The following RFTN1 variants were observed in gnomAD, a reference collection of about 807,000 sequenced individuals.
RFTN1 encodes the protein raftlin, lipid raft linker 1.
RFTN1 carries 26 observed loss-of-function variants against 46.5 expected under a neutral mutation model. The observed-to-expected ratio is 0.56, with a 90% CI of 0.41 to 0.78. The LOEUF (loss-of-function observed/expected upper bound fraction) is 0.78. Ranked by LOEUF, RFTN1 falls within the 30% of genes least tolerant of loss-of-function variation. The pLI is 0.00. For missense variants in RFTN1, 693 were observed against 718.7 expected (o/e 0.96, Z 0.41); for synonymous variants, 261 against 284.2 (o/e 0.92, Z 0.82).
chr3:16,488,642 A>G (rs1035844657), intron 2 of RFTN1, among the ~76,000 whole-genome samples: 2 of 152,202 alleles, frequency 1.3e-5, no homozygotes, highest in African/African-American at 2.4e-5. Context: ...GTTGGTGTTA[A>G]TGCCTATTTG....
In RFTN1 at chr3:16,341,869, G is replaced by C. The variant is rs970579812; in HGVS notation, c.1147-14993C>G. On this transcript the variant is annotated intron_variant, in intron 7 of 9. Coordinates refer to ENST00000334133, the MANE Select transcript of RFTN1 (RefSeq NM_015150.2). This position sits in a 1 kb window ranked among gnomAD's most constrained non-coding sequence, Gnocchi z 4.7. The stretch of plus-strand genomic sequence containing the variant: ...GTTTGAAGAGTATGATACCATTTTT[G>C]TAAAAAATATGCAAATATAGATAGA... Among the ~76,000 whole-genome samples the C allele has an allele frequency of 6.6e-6, 1 of 152,086 alleles. No homozygotes were observed. Among genetic ancestry groups the C allele is most frequent in the Non-Finnish European group, 1.5e-5 (1 of 68,022 alleles).
intron 5 of RFTN1, among the ~76,000 whole-genome samples, chr3:16,377,172 T>C (rs1575174583): frequency 6.6e-6 from 1 of 151,794 alleles, no homozygotes; most frequent in Non-Finnish European, 1.5e-5. Context: ...CCTCGGCAAA[T>C]CTTGTTAGTC....
intron 4 of RFTN1, among the ~76,000 whole-genome samples, chr3:16,379,129 A>G (rs756758680): frequency 1.3e-5 from 2 of 152,244 alleles, no homozygotes; most frequent in African/African-American, 4.8e-5. Context: ...AGATGACCTC[A>G]GAAAATCTTG....
rs1575324400 is a variant in RFTN1, at chr3:16,460,700, C to T, written c.146-26663G>A. On this transcript the variant is annotated intron_variant, in intron 2 of 9. Transcript: ENST00000334133. This position sits in a 1 kb window ranked among gnomAD's most constrained non-coding sequence, Gnocchi z 4.8. The stretch of plus-strand genomic sequence containing the variant: ...ATACAGATAACTAACGCAAGAGACA[C>T]GTGAGCAGACGTCACTTGAGCCTCA... 6.6e-6 allele frequency among the ~76,000 whole-genome samples: 1 copy of T among 152,120 alleles called. No individual in the cohort carries two copies. The highest frequency in any genetic ancestry group is 2.4e-5 in the African/African-American group (1 of 41,408).
chr3:16,345,816 GTGCGCGCGCGCGTGCGCGCA>G lies in RFTN1; in HGVS notation c.1146+12096_1146+12115del, dbSNP rs60967320. 0.3 allele frequency among the ~76,000 whole-genome samples: 36,797 copies of G among 123,080 alleles called. 4,578 individuals carry two copies. The highest frequency in any genetic ancestry group is 0.43 in the South Asian group (1,909 of 4,398). The allele number at this position is 123,080 out of a possible 152,430, so 80.7% of individuals were successfully genotyped here. On this transcript the variant is annotated intron_variant, in intron 7 of 9. Transcript: ENST00000334133. The surrounding 1 kb of genome is among the most constrained non-coding windows in gnomAD (Gnocchi z 5.2). ...TGTGTGTGTGTGTGTGTGTGTGTGT[GTGCGCGCGCGCGTGCGCGCA>G]CGCGCACATGTGCATGTGTATGTGT...
intron 6 of RFTN1, among the ~76,000 whole-genome samples, chr3:16,368,551 A>G (rs1427682819): frequency 1.3e-5 from 2 of 152,032 alleles, no homozygotes; most frequent in Admixed American, 6.5e-5. Context: ...GGTGCCTGTA[A>G]TCCCAGCTAC....
intron 3 of RFTN1, among the ~76,000 whole-genome samples, chr3:16,417,720 C>T (rs1268380166): frequency 2.0e-5 from 3 of 152,276 alleles, no homozygotes; most frequent in Non-Finnish European, 4.4e-5. Flanking sequence ...CCATGGGCAA[C>T]GAGTGAAAGA....
At position 16,317,271 on chromosome 3, in the gene RFTN1, C is replaced by T. The variant is rs759731222; in HGVS notation, c.1333-39G>A. ...AGGATGGGGATAAATAACAAGCCTC[C>T]GGGAACCCAGAGCTTCACCCAAAGC... On this transcript the variant is annotated intron_variant, in intron 9 of 9. Coordinates refer to ENST00000334133, the MANE Select transcript of RFTN1 (RefSeq NM_015150.2). This position sits in a 1 kb window ranked among gnomAD's most constrained non-coding sequence, Gnocchi z 4.3. The T allele has an allele frequency of 1.2e-5, 19 of 1,599,980 alleles. No individual in the cohort carries two copies. Among genetic ancestry groups the T allele is most frequent in the East Asian group, 2.2e-5 (1 of 44,820 alleles).
chr3:16,482,195 T>A (rs1427037578), intron 2 of RFTN1, among the ~76,000 whole-genome samples: 2 of 152,108 alleles, frequency 1.3e-5, no homozygotes, highest in Non-Finnish European at 2.9e-5. Context: ...TCGGAAGACC[T>A]CAGTGCAAGC....
At chr3:16,366,495 TG>T (rs2073181725) in intron 6 of RFTN1, among the ~76,000 whole-genome samples, 1 of 152,204 alleles carries the variant, frequency 6.6e-6, no homozygotes, top group South Asian at 2.1e-4. Flanking sequence ...AGAGTGACCT[TG>T]GAGTCCTCCT....
chr3:16,478,975 G>C (rs1411266148), intron 2 of RFTN1, among the ~76,000 whole-genome samples: 1 of 152,170 alleles, frequency 6.6e-6, no homozygotes, highest in Non-Finnish European at 1.5e-5. Flanking sequence ...GCTGTATCCT[G>C]TTCACTAGAA....
chr3:16,377,941 C>A lies in RFTN1; in HGVS notation c.603G>T (p.Glu201Asp). The change falls in exon 5 of 10, where the codon GAG becomes GAT. Residue 201 changes from glutamate (E) to aspartate (D), a missense_variant. Glu to Asp is a conservative substitution (Grantham distance 45). Coordinates refer to ENST00000334133, the MANE Select transcript of RFTN1 (RefSeq NM_015150.2). ...CATCCCCAGTCCCCGGTTTCTCATT[C>A]TCCAGTGACGCGTGATCCCCACGTG... is the stretch of plus-strand genomic sequence containing the variant. ...KNARGDHASL[E>D]NEKPGTGDVC... 6.2e-7 allele frequency: 1 copy of A among 1,614,258 alleles called. No individual in the cohort carries two copies. The highest frequency in any genetic ancestry group is 8.5e-7 in the Non-Finnish European group (1 of 1,180,054).
intron 1 of RFTN1, among the ~76,000 whole-genome samples, chr3:16,494,317 G>T (rs561229860): frequency 1.2e-4 from 18 of 152,260 alleles, no homozygotes; most frequent in African/African-American, 4.1e-4. Context: ...AGAATAAGTC[G>T]TTGTTACAGT....
Position 16,447,970 on chromosome 3 carries a change from CT to C in RFTN1, c.146-13934del, listed in dbSNP as rs920861492. On this transcript the variant is annotated intron_variant, in intron 2 of 9. Coordinates refer to ENST00000334133, the MANE Select transcript of RFTN1 (RefSeq NM_015150.2). The surrounding 1 kb of genome is among the most constrained non-coding windows in gnomAD (Gnocchi z 5.9). ...TGTATTATTTCTTCCCTCTCTTCCT[CT>C]CTCCTTCTTTTCTCTCTTTTTTCTT... Among the ~76,000 whole-genome samples, 40 of 152,018 alleles carry C rather than the reference CT, an allele frequency of 2.6e-4. No homozygotes were observed. The highest frequency in any genetic ancestry group is 9.7e-4 in the African/African-American group (40 of 41,398).
intron 3 of RFTN1, among the ~76,000 whole-genome samples, chr3:16,411,771 C>A (rs1458772351): frequency 6.6e-6 from 1 of 152,154 alleles, no homozygotes; most frequent in Non-Finnish European, 1.5e-5. Flanking sequence ...ATCTAAAATC[C>A]AGCTGTTCTG....
In RFTN1 at chr3:16,426,660, C is replaced by CATGTGT. The variant is rs1553593376; in HGVS notation, c.332+7190_332+7191insACACAT. ...ACTGTTATTTTGGCAATGAAAGGATCGTGTGTGTGTGTGTGTGTGTGTGTG... is the reference window on the plus strand; with the variant it reads ...ACTGTTATTTTGGCAATGAAAGGATCATGTGTGTGTGTGTGTGTGTGTGTGTGTGTG... On this transcript the variant is annotated intron_variant, in intron 3 of 9. Transcript: ENST00000334133. The surrounding 1 kb of genome is among the most constrained non-coding windows in gnomAD (Gnocchi z 5.9). Among the ~76,000 whole-genome samples, 1 of 142,026 alleles carries CATGTGT rather than the reference C, an allele frequency of 7.0e-6. No homozygotes were observed. The highest frequency in any genetic ancestry group is 1.5e-5 in the Non-Finnish European group (1 of 65,570). 93.2% of individuals were successfully genotyped at this position (142,026 alleles called of 152,430 possible).
rs1195828248 is a variant in RFTN1 at position 16,346,131 on chromosome 3, A to G, written c.1146+11801T>C. 1 of 152,124 alleles carries G rather than the reference A, an allele frequency of 6.6e-6. No individual in the cohort carries two copies. Among genetic ancestry groups the G allele is most frequent in the Non-Finnish European group, 1.5e-5 (1 of 68,026 alleles). 9.4% of individuals were successfully genotyped at this position (152,124 alleles called of 1,614,324 possible). On this transcript the variant is annotated intron_variant, in intron 7 of 9. Coordinates refer to ENST00000334133, the MANE Select transcript of RFTN1 (RefSeq NM_015150.2). This position sits in a 1 kb window ranked among gnomAD's most constrained non-coding sequence, Gnocchi z 4.4. ...CCAGCACCCCTCAGGAAGCTTGACA[A>G]TGAAGAGGAATTATTGATGAATGTG... is the stretch of plus-strand genomic sequence containing the variant.
At chr3:16,445,075 ACAGTTG>A (rs1395111234) in intron 2 of RFTN1, among the ~76,000 whole-genome samples, 1 of 152,216 alleles carries the variant, frequency 6.6e-6, no homozygotes, top group Non-Finnish European at 1.5e-5. Context: ...TGTTTCATAT[ACAGTTG>A]CAGTTTCCAA....
chr3:16,324,612 G>GGC (rs1270315325), intron 8 of RFTN1, among the ~76,000 whole-genome samples: 8 of 71,064 alleles, frequency 1.1e-4, no homozygotes, highest in East Asian at 3.7e-4. Flanking sequence ...GAATGTCCCT[G>GGC]ACCCCCCCCC....
Sources: allele counts gnomAD v4.1 joint callset (sites outside exome capture counted in the v4.1 genomes callset), GRCh38; gene constraint gnomAD v4.1.1; non-coding constraint Gnocchi (gnomAD v3.1); transcripts MANE v1.5; gene names NCBI Gene and HGNC (gene_info 2026-07-23, HGNC 2026-07-21).